Variants in SGCZ observed in about 807,000 individuals in gnomAD.
SGCZ encodes sarcoglycan zeta.
Under a neutral mutation model 41.3 loss-of-function variants are expected in SGCZ, and 40 were observed. The observed-to-expected ratio is 0.97, with a 90% CI of 0.75 to 1.26. The LOEUF (loss-of-function observed/expected upper bound fraction) is 1.26. Ranked by LOEUF, SGCZ falls within the 50% of genes most tolerant of loss-of-function variation. The probability of loss-of-function intolerance (pLI) is 0.00; values close to 1 mark genes in which losing one functional copy is unlikely to be tolerated. For synonymous variants in SGCZ, 206 were observed against 137.5 expected (o/e 1.50, Z -3.49); for missense variants, 552 against 369.8 (o/e 1.49, Z -4.04).
chr8:14,990,777 A>C (rs982495192), intron 1 of SGCZ, among the ~76,000 whole-genome samples: 1 of 152,140 alleles, frequency 6.6e-6, no homozygotes, highest in African/African-American at 2.4e-5. Context: ...CGGTCTGTGG[A>C]AAAATTGTCT....
chr8:15,130,302 CTTGACGGGAAG>C (rs1333483833), intron 1 of SGCZ, among the ~76,000 whole-genome samples: 1 of 152,132 alleles, frequency 6.6e-6, no homozygotes, highest in Non-Finnish European at 1.5e-5. Flanking sequence ...GGGGAAGCCA[CTTGACGGGAAG>C]TAATCTGCAG....
At chr8:14,416,119 G>A (rs868035798) in intron 2 of SGCZ, among the ~76,000 whole-genome samples, 2 of 151,890 alleles carry the variant, frequency 1.3e-5, no homozygotes, top group Admixed American at 1.3e-4. Context: ...CAGAGGTGCT[G>A]GCTTTAGGCC....
chr8:14,914,900 T>TC (rs1260838658), intron 1 of SGCZ, among the ~76,000 whole-genome samples: 1 of 151,946 alleles, frequency 6.6e-6, no homozygotes, highest in African/African-American at 2.4e-5. Context: ...CAGCCCAATA[T>TC]CCCCCCAGAT....
At chr8:14,908,907 T>TATTAGGTTC (rs1174654892) in intron 1 of SGCZ, among the ~76,000 whole-genome samples, 3 of 152,226 alleles carry the variant, frequency 2.0e-5, no homozygotes, top group Admixed American at 6.5e-5. Flanking sequence ...AAGTGCATTG[T>TATTAGGTTC]ATTAGGTTCA....
intron 1 of SGCZ, among the ~76,000 whole-genome samples, chr8:15,097,871 T>G (rs5029604): frequency 0.027 from 375 of 13,734 alleles, 10 homozygotes; most frequent in Admixed American, 0.088. Flanking sequence ...TGTGTGTATA[T>G]ATATATATAT....
At chr8:14,221,020 A>AC (rs200191647) in intron 4 of SGCZ, among the ~76,000 whole-genome samples, 1 of 151,836 alleles carries the variant, frequency 6.6e-6, no homozygotes, top group African/African-American at 2.4e-5. Flanking sequence ...AGAAAAAAAA[A>AC]ATAGAATTTC....
intron 4 of SGCZ, among the ~76,000 whole-genome samples, chr8:14,185,330 G>C (rs937932376): frequency 6.6e-6 from 1 of 152,048 alleles, no homozygotes; most frequent in African/African-American, 2.4e-5. Context: ...TTGAACCAGG[G>C]AGGCGTAGGT....
chr8:14,656,281 G>T (rs1807565611), intron 1 of SGCZ, among the ~76,000 whole-genome samples: 1 of 151,960 alleles, frequency 6.6e-6, no homozygotes, highest in African/African-American at 2.4e-5. Context: ...TAGCCATTCT[G>T]ATAAATGTGA....
chr8:14,802,132 A>C (rs1292720002), intron 1 of SGCZ, among the ~76,000 whole-genome samples: 1 of 152,122 alleles, frequency 6.6e-6, no homozygotes, highest in Admixed American at 6.6e-5. Context: ...GAAAATCTTG[A>C]GTTGAATTTG....
intron 1 of SGCZ, among the ~76,000 whole-genome samples, chr8:14,797,805 G>A (rs1475327003): frequency 6.6e-6 from 1 of 152,182 alleles, no homozygotes; most frequent in Non-Finnish European, 1.5e-5. Context: ...TTGGTGCCCT[G>A]CATCCCAGCT....
chr8:14,092,104 G>A (rs545973692), intron 7 of SGCZ, among the ~76,000 whole-genome samples: 2 of 152,200 alleles, frequency 1.3e-5, no homozygotes, highest in East Asian at 3.9e-4. Context: ...TTTTTGTCAA[G>A]TTTGTGAAAG....
intron 2 of SGCZ, among the ~76,000 whole-genome samples, chr8:14,371,031 G>A (rs1585416936): frequency 2.0e-5 from 3 of 151,930 alleles, no homozygotes; most frequent in East Asian, 3.9e-4. Flanking sequence ...GAAAAAAGAT[G>A]CATAATTTTT....
intron 2 of SGCZ, among the ~76,000 whole-genome samples, chr8:14,535,670 C>T (rs1803272688): frequency 6.6e-6 from 1 of 151,800 alleles, no homozygotes; most frequent in Non-Finnish European, 1.5e-5. Flanking sequence ...TTTTTGCTTT[C>T]ATTTATAAAT....
chr8:14,522,011 T>C (rs1479412006), intron 2 of SGCZ, among the ~76,000 whole-genome samples: 1 of 152,106 alleles, frequency 6.6e-6, no homozygotes, highest in East Asian at 1.9e-4. Flanking sequence ...ATATGTTCTT[T>C]CACAAATATG....
At chr8:14,549,269 T>A (rs1181462915) in intron 2 of SGCZ, among the ~76,000 whole-genome samples, 1 of 152,072 alleles carries the variant, frequency 6.6e-6, no homozygotes, top group Non-Finnish European at 1.5e-5. Flanking sequence ...TGAAAAACTA[T>A]CTTACCAAAG....
chr8:15,233,564 A>C (rs1802027260), intron 1 of SGCZ, among the ~76,000 whole-genome samples: 1 of 152,046 alleles, frequency 6.6e-6, no homozygotes, highest in South Asian at 2.1e-4. Flanking sequence ...TTCCTCACCT[A>C]TCTAGGGCAA....
chr8:14,910,881 C>G (rs1458988578), intron 1 of SGCZ, among the ~76,000 whole-genome samples: 2 of 151,836 alleles, frequency 1.3e-5, no homozygotes, highest in African/African-American at 4.8e-5. Context: ...TGAATACATC[C>G]TAGAAGATAT....
intron 3 of SGCZ, among the ~76,000 whole-genome samples, chr8:14,263,622 C>T (rs1343973163): frequency 2.0e-5 from 3 of 151,996 alleles, no homozygotes; most frequent in Non-Finnish European, 4.4e-5. Context: ...AGAGGCAGAG[C>T]AAAATGGCCA....
chr8:14,190,793 G>A (rs1189461101), intron 4 of SGCZ, among the ~76,000 whole-genome samples: 2 of 151,774 alleles, frequency 1.3e-5, no homozygotes, highest in African/African-American at 4.8e-5. Flanking sequence ...TAGTAGAGAC[G>A]GCGTTTCACT....
Sources: allele counts gnomAD v4.1 joint callset (sites outside exome capture counted in the v4.1 genomes callset), GRCh38; gene constraint gnomAD v4.1.1; transcripts MANE v1.5; gene names NCBI Gene and HGNC (gene_info 2026-07-23, HGNC 2026-07-21).